The following GPHN variants were observed in gnomAD, a reference collection of about 807,000 sequenced individuals.
GPHN encodes the protein gephyrin.
A neutral mutation model predicts 95.5 loss-of-function variants in GPHN; 17 were observed. The ratio of observed to expected loss-of-function variants is 0.18; its 90% confidence interval spans 0.12 to 0.27. GPHN has a LOEUF of 0.27. Ranked by LOEUF, GPHN falls within the 10% of genes least tolerant of loss-of-function variation. GPHN has a pLI of 1.00. For synonymous variants in GPHN, 320 were observed against 322.5 expected (o/e 0.99, Z 0.08); for missense variants, 660 against 978.1 (o/e 0.67, Z 4.34).
At chr14:66,837,553 C>A (rs1477765849) in intron 4 of GPHN, among the ~76,000 whole-genome samples, 1 of 148,386 alleles carries the variant, frequency 6.7e-6, no homozygotes, top group East Asian at 2.0e-4. Context: ...ATGTAACTAA[C>A]CTGCACAATG....
chr14:66,718,454 C>T (rs1329475767), intron 2 of GPHN, among the ~76,000 whole-genome samples: 1 of 152,110 alleles, frequency 6.6e-6, no homozygotes, highest in East Asian at 1.9e-4. Flanking sequence ...CGGACCCAAA[C>T]AGTGAGCAGC....
the GPHN span, among the ~76,000 whole-genome samples, chr14:67,444,531 C>A: frequency 2.0e-5 from 3 of 152,120 alleles, no homozygotes; most frequent in Non-Finnish European, 4.4e-5. Context: ...GCTCATAAGA[C>A]CCTTGGAATT....
the GPHN span, chr14:67,199,015 A>AAAGG: frequency 2.8e-6 from 2 of 711,376 alleles, no homozygotes; most frequent in Middle Eastern, 4.6e-4. Flanking sequence ...AGGGAGGACA[A>AAAGG]CAGACACTTC....
At chr14:67,500,953 TCATCTTCCAGATGAAAGTAGAAGAA>T in the GPHN span, among the ~76,000 whole-genome samples, 2 of 151,740 alleles carry the variant, frequency 1.3e-5, no homozygotes, top group Non-Finnish European at 2.9e-5. Flanking sequence ...AGTAGCTGCA[TCATCTTCCAGATGAAAGTAGAAGAA>T]CAAGGTTCAT....
chr14:67,310,705 TTA>T, the GPHN span, among the ~76,000 whole-genome samples: 1 of 152,226 alleles, frequency 6.6e-6, no homozygotes, highest in African/African-American at 2.4e-5. Flanking sequence ...TTTTTTAACC[TTA>T]GTTTCAGTTT....
intron 1 of GPHN, among the ~76,000 whole-genome samples, chr14:66,680,868 G>A (rs8021087): frequency 0.011 from 1,671 of 152,018 alleles, 26 homozygotes; most frequent in African/African-American, 0.037. Context: ...TTTATGTAAT[G>A]TATTTATATA....
chr14:67,430,511 T>A, the GPHN span, among the ~76,000 whole-genome samples: 1 of 152,240 alleles, frequency 6.6e-6, no homozygotes, highest in African/African-American at 2.4e-5. Context: ...CTATAAGCCC[T>A]CCATCCTAAG....
chr14:66,757,160 T>C lies in GPHN; in HGVS notation c.144-19304T>C, dbSNP rs565799945. On this transcript the variant is annotated intron_variant, in intron 2 of 22. Coordinates refer to ENST00000478722, the MANE Select transcript of GPHN (RefSeq NM_020806.5). ...GGAATCCAGGAAAACCATGGAGTTA[T>C]GAAAAAATTAAAACTCATTGGTATA... 1.4e-3 allele frequency among the ~76,000 whole-genome samples: 207 copies of C among 152,224 alleles called. 2 individuals carry two copies. Among genetic ancestry groups the C allele is most frequent in the Admixed American group, 3.9e-3 (59 of 15,298 alleles).
At chr14:66,696,166 T>G (rs1419249845) in intron 2 of GPHN, among the ~76,000 whole-genome samples, 1 of 152,216 alleles carries the variant, frequency 6.6e-6, no homozygotes, top group African/African-American at 2.4e-5. Context: ...TGCTATGAAT[T>G]TCTTTTTCCT....
At chr14:67,202,270 G>A in the GPHN span, among the ~76,000 whole-genome samples, 3 of 152,082 alleles carry the variant, frequency 2.0e-5, no homozygotes, top group South Asian at 2.1e-4. Context: ...GTGAAGCCCC[G>A]TCTCTCCTAA....
the GPHN span, chr14:67,384,262 A>G: frequency 6.6e-6 from 1 of 152,056 alleles, no homozygotes; most frequent in Non-Finnish European, 1.5e-5. Context: ...TAGTTGGAAT[A>G]TCACCCAATT....
chr14:67,659,648 T>G, the GPHN span: 2 of 1,387,370 alleles, frequency 1.4e-6, no homozygotes, highest in Non-Finnish European at 1.9e-6. Context: ...ACTGATAACA[T>G]GAAATACCCC....
chr14:67,179,254 C>T (rs1380694281), intron 21 of GPHN, among the ~76,000 whole-genome samples: 7 of 151,980 alleles, frequency 4.6e-5, no homozygotes, highest in Non-Finnish European at 8.8e-5. Flanking sequence ...GGTATGGTGG[C>T]ACATGCATGT....
intron 8 of GPHN, among the ~76,000 whole-genome samples, chr14:66,948,838 T>C (rs944294730): frequency 6.6e-5 from 10 of 152,186 alleles, no homozygotes; most frequent in African/African-American, 2.4e-4. Context: ...GGGGTCTCAC[T>C]CTATTGCTCA....
At chr14:66,794,284 T>A (rs564233140) in intron 3 of GPHN, among the ~76,000 whole-genome samples, 2 of 152,214 alleles carry the variant, frequency 1.3e-5, no homozygotes, top group South Asian at 4.2e-4. Context: ...TCTGAAAGTG[T>A]GTAGCCCCTT....
intron 11 of GPHN, among the ~76,000 whole-genome samples, chr14:67,060,514 A>C (rs901781057): frequency 6.6e-6 from 1 of 152,240 alleles, no homozygotes; most frequent in African/African-American, 2.4e-5. Context: ...AGAAACCATC[A>C]TACATAGAAA....
At chr14:67,635,714 G>A in the GPHN span, among the ~76,000 whole-genome samples, 253 of 152,234 alleles carry the variant, frequency 1.7e-3, 2 homozygotes, top group African/African-American at 2.6e-3. Flanking sequence ...TTAGCCGGGC[G>A]TGGTGGCAGG....
chr14:67,165,302 C>T, intron 20 of GPHN, 76 bp downstream of exon 20: 1 of 899,116 alleles, frequency 1.1e-6, no homozygotes, highest in African/African-American at 1.6e-5. Context: ...ATGTGACCAC[C>T]TGGTTTGAAA....
At chr14:67,042,832 T>C (rs2074783735) in intron 10 of GPHN, among the ~76,000 whole-genome samples, 1 of 152,226 alleles carries the variant, frequency 6.6e-6, no homozygotes, top group Non-Finnish European at 1.5e-5. Context: ...GTATGGCCAT[T>C]TTCATGATAT....
Sources: gnomAD v4.1 joint callset for allele counts (sites outside exome capture counted in the v4.1 genomes callset) on GRCh38, gnomAD v4.1.1 for gene constraint, MANE v1.5 for transcripts, NCBI Gene and HGNC (gene_info 2026-07-23, HGNC 2026-07-21) for gene names.